The following ZFPM1 variants were observed in gnomAD, a reference collection of about 807,000 sequenced individuals.
ZFPM1 encodes zinc finger protein ZFPM1.
A neutral mutation model predicts 46.3 loss-of-function variants in ZFPM1; 28 were observed. That is an observed-to-expected ratio of 0.60 (90% CI 0.45 to 0.83). The LOEUF (loss-of-function observed/expected upper bound fraction) is 0.83, where lower values mean the gene tolerates loss of function less well. Ranked by LOEUF, ZFPM1 falls within the 40% of genes least tolerant of loss-of-function variation. The pLI is 0.00. For missense variants in ZFPM1, 1,878 were observed against 1,432.4 expected (o/e 1.31, Z -5.02); for synonymous variants, 957 against 675.9 (o/e 1.42, Z -6.45).
intron 1 of ZFPM1, among the ~76,000 whole-genome samples, chr16:88,483,548 C>T (rs1909060594): frequency 6.6e-6 from 1 of 152,240 alleles, no homozygotes; most frequent in Non-Finnish European, 1.5e-5. Context: ...GGCAGCCCCT[C>T]CCATCCCCGT....
At chr16:88,506,952 C>T (rs375146970) in intron 3 of ZFPM1, among the ~76,000 whole-genome samples, 4 of 152,246 alleles carry the variant, frequency 2.6e-5, no homozygotes, top group African/African-American at 7.2e-5. Flanking sequence ...CCTTCCATCT[C>T]GGCTGTCCCG....
chr16:88,489,487 A>C, intron 3 of ZFPM1: 1 of 282,492 alleles, frequency 3.5e-6, no homozygotes. Flanking sequence ...AGGTGGGAAC[A>C]GGAGGCTGCG....
chr16:88,527,582 G>C (rs865997209), intron 5 of ZFPM1, among the ~76,000 whole-genome samples: 3 of 152,082 alleles, frequency 2.0e-5, no homozygotes, highest in Non-Finnish European at 2.9e-5. Flanking sequence ...GGCGCCCCAG[G>C]TGAACAAGCC....
At chr16:88,529,610 G>C (rs1446247850) in intron 6 of ZFPM1, among the ~76,000 whole-genome samples, 1 of 152,208 alleles carries the variant, frequency 6.6e-6, no homozygotes, top group Non-Finnish European at 1.5e-5. Flanking sequence ...TGTGGACCCT[G>C]GAGTCAGGGG....
intron 3 of ZFPM1, among the ~76,000 whole-genome samples, chr16:88,507,653 A>T (rs544724464): frequency 6.6e-6 from 1 of 152,274 alleles, no homozygotes; most frequent in South Asian, 2.1e-4. Context: ...CCCATGGGAG[A>T]TGCCATCCAG....
At chr16:88,484,317 G>A (rs544425088) in intron 1 of ZFPM1, among the ~76,000 whole-genome samples, 11 of 152,324 alleles carry the variant, frequency 7.2e-5, no homozygotes, top group Middle Eastern at 3.4e-3. Context: ...CCATCCGTGC[G>A]GCTTGCTTGC....
At chr16:88,500,745 G>T (rs1394910342) in intron 3 of ZFPM1, among the ~76,000 whole-genome samples, 1 of 152,218 alleles carries the variant, frequency 6.6e-6, no homozygotes, top group Non-Finnish European at 1.5e-5. Context: ...TGTGAGACGT[G>T]GACAGGACAG....
chr16:88,477,919 C>T (rs956382865), intron 1 of ZFPM1, among the ~76,000 whole-genome samples: 4 of 151,968 alleles, frequency 2.6e-5, no homozygotes, highest in Non-Finnish European at 5.9e-5. Flanking sequence ...GAGGCTGCTT[C>T]AGTGGGCTTG....
At chr16:88,519,909 G>A (rs866024935) in intron 4 of ZFPM1, among the ~76,000 whole-genome samples, 4 of 150,502 alleles carry the variant, frequency 2.7e-5, no homozygotes, top group Admixed American at 6.6e-5. Flanking sequence ...ATGGATTGAC[G>A]GCTGGGTAGA....
intron 2 of ZFPM1, among the ~76,000 whole-genome samples, chr16:88,488,530 G>A (rs866578515): frequency 2.0e-5 from 3 of 152,116 alleles, no homozygotes; most frequent in Admixed American, 6.5e-5. Context: ...GATGTTAATC[G>A]CAGCCCTTAT....
rs1912907034 is a variant in ZFPM1, at chr16:88,532,876, G to A, written c.1130G>A (p.Gly377Asp). 6.2e-7 allele frequency: 1 copy of A among 1,613,358 alleles called. No individual in the cohort carries two copies. The highest frequency in any genetic ancestry group is 8.5e-7 in the Non-Finnish European group (1 of 1,179,950). ...LVTNHMVCQP[G>D]SKGEIYSPGA... ...ACCAACCACATGGTCTGCCAGCCTG[G>A]CTCCAAGGGTGAGATCTACTCGCCA... Residue 377 changes from glycine (G) to aspartate (D), a missense_variant, in exon 9 of 10, where the codon GGC (glycine) becomes GAC (aspartate). Transcript: ENST00000319555.
At chr16:88,484,554 G>A (rs1043684794) in intron 1 of ZFPM1, among the ~76,000 whole-genome samples, 2 of 152,184 alleles carry the variant, frequency 1.3e-5, no homozygotes, top group Non-Finnish European at 2.9e-5. Flanking sequence ...GGAGGGCCAC[G>A]GCCCCTCCCA....
chr16:88,452,875 T>C (rs1478156602), upstream of ZFPM1, among the ~76,000 whole-genome samples: 1 of 152,068 alleles, frequency 6.6e-6, no homozygotes, highest in Non-Finnish European at 1.5e-5. Flanking sequence ...CGAATAGGTC[T>C]CAGACTCCCA....
intron 4 of ZFPM1, among the ~76,000 whole-genome samples, chr16:88,515,591 C>A (rs1456248856): frequency 1.3e-5 from 2 of 152,246 alleles, no homozygotes; most frequent in African/African-American, 2.4e-5. Context: ...GGGCGGGTCA[C>A]GTGAGATGGT....
In ZFPM1 at chr16:88,534,260, T is replaced by G. The variant is rs1257780143; in HGVS notation, c.2302T>G (p.Ser768Ala). ...GCCCGGCCACGCCCCCGCGCCCGAG[T>G]CGCCGCGGCCCGGAAGCGGAAGCGG... ...PPPGHAPAPE[S>A]PRPGSGSGSG... The change falls in exon 10 of 10, where the codon TCG (serine) becomes GCG (alanine). Residue 768 changes from serine to alanine, a missense_variant. Physicochemically the swap from Ser to Ala is moderately conservative, Grantham distance 99. Transcript: ENST00000319555. 2.4e-5 allele frequency: 25 copies of G among 1,051,238 alleles called. No homozygotes were observed. Among genetic ancestry groups the G allele is most frequent in the Non-Finnish European group, 2.3e-5 (20 of 883,062 alleles). 65.1% of individuals were successfully genotyped at this position (1,051,238 alleles called of 1,614,324 possible).
At chr16:88,502,317 A>G (rs567481897) in intron 3 of ZFPM1, among the ~76,000 whole-genome samples, 82 of 151,984 alleles carry the variant, frequency 5.4e-4, no homozygotes, top group African/African-American at 1.9e-3. Flanking sequence ...GCGTCTCGTG[A>G]GGGTGCCTCC....
Position 88,526,804 on chromosome 16 carries a change from C to G in ZFPM1, c.403-10C>G, listed in dbSNP as rs776413606. On this transcript the variant is annotated splice_polypyrimidine_tract_variant and intron_variant, in intron 4 of 9. Transcript: ENST00000319555. The stretch of plus-strand genomic sequence containing the variant: ...ACCCCTCCCCACGTGTTCCTACCCT[C>G]CCCCCCCAGAGCCCAGCCCTGACCC... The G allele has an allele frequency of 2.3e-4, 314 of 1,381,144 alleles. 2 individuals carry two copies. Among genetic ancestry groups the G allele is most frequent in the East Asian group, 9.0e-4 (32 of 35,714 alleles). The allele number at this position is 1,381,144 out of a possible 1,614,324, so 85.6% of individuals were successfully genotyped here. A position where few individuals can be genotyped will look rare whatever the true frequency, so the allele number is the denominator to read the frequency against.
chr16:88,489,350 A>C, intron 3 of ZFPM1, 197 bp downstream of exon 3: 2 of 827,958 alleles, frequency 2.4e-6, no homozygotes, highest in Non-Finnish European at 3.6e-6. Flanking sequence ...CCTCGCGCCA[A>C]TCCCGGGCCT....
chr16:88,498,148 G>T (rs1169728613), intron 3 of ZFPM1, among the ~76,000 whole-genome samples: 3 of 152,126 alleles, frequency 2.0e-5, no homozygotes, highest in Admixed American at 2.0e-4. Flanking sequence ...TGGGTCAGGA[G>T]CCACCTCCTC....
Sources: gnomAD v4.1 joint callset for allele counts (sites outside exome capture counted in the v4.1 genomes callset) on GRCh38, gnomAD v4.1.1 for gene constraint, MANE v1.5 for transcripts, NCBI Gene and HGNC (gene_info 2026-07-23, HGNC 2026-07-21) for gene names.